The following LHFPL3 variants were observed in gnomAD, a reference collection of about 807,000 sequenced individuals.
LHFPL3 encodes LHFPL tetraspan subfamily member 3 protein.
In LHFPL3, 5 loss-of-function variants were observed where a neutral mutation model predicts 19.3. That is an observed-to-expected ratio of 0.26 (90% confidence interval 0.14 to 0.54). The LOEUF (loss-of-function observed/expected upper bound fraction) is 0.54, where lower values mean the gene tolerates loss of function less well. Among genes scored for constraint, LHFPL3 ranks in the 20% least tolerant of loss-of-function variants. The pLI is 0.94. For synonymous variants in LHFPL3, 133 were observed against 126.2 expected, an observed-to-expected ratio of 1.05 and a Z score of -0.36; for missense variants, 249 against 307.4, an observed-to-expected ratio of 0.81 and a Z score of 1.42.
At chr7:104,522,056 T>C (rs1015638904) in intron 1 of LHFPL3, among the ~76,000 whole-genome samples, 2 of 152,172 alleles carry the variant, frequency 1.3e-5, no homozygotes, top group South Asian at 2.1e-4. Flanking sequence ...CAAAGGACTA[T>C]AAATCATGCT....
In LHFPL3 at chr7:104,514,047, A is replaced by T. The variant is rs139340716; in HGVS notation, c.445+184823A>T. Among the ~76,000 whole-genome samples the T allele has an allele frequency of 5.9e-5, 9 of 152,272 alleles. No homozygotes were observed. In the East Asian group the frequency reaches 1.7e-3, roughly 29 times the overall value. ...GAGGATTTATTAATAAATGAAATTG[A>T]TTAACATTTTTGGTTATTAGCTCTC... On this transcript the variant is annotated intron_variant, in intron 1 of 2. Transcript: ENST00000424859.
intron 2 of LHFPL3, among the ~76,000 whole-genome samples, chr7:104,867,978 C>T (rs1791760864): frequency 6.6e-6 from 1 of 152,118 alleles, no homozygotes; most frequent in Non-Finnish European, 1.5e-5. Flanking sequence ...CGACAAAAAC[C>T]ATATGATTAT....
intron 1 of LHFPL3, among the ~76,000 whole-genome samples, chr7:104,555,579 T>A (rs1794748452): frequency 6.6e-6 from 1 of 152,186 alleles, no homozygotes; most frequent in Non-Finnish European, 1.5e-5. Context: ...TCACCTCTCA[T>A]CGGGTTCCTC....
intron 1 of LHFPL3, among the ~76,000 whole-genome samples, chr7:104,596,099 A>G (rs1237039590): frequency 6.6e-6 from 1 of 152,224 alleles, no homozygotes; most frequent in East Asian, 1.9e-4. Context: ...GAGATGAACC[A>G]GGTACCTCAG....
chr7:104,631,093 A>T (rs1050012054), intron 1 of LHFPL3, among the ~76,000 whole-genome samples: 3 of 152,152 alleles, frequency 2.0e-5, no homozygotes, highest in Non-Finnish European at 4.4e-5. Flanking sequence ...ATCTTCTGCC[A>T]TGTTTCTGCA....
intron 2 of LHFPL3, among the ~76,000 whole-genome samples, chr7:104,886,774 A>C (rs1159726678): frequency 3.3e-5 from 5 of 152,376 alleles, no homozygotes; most frequent in Non-Finnish European, 7.3e-5. Context: ...TTTACTGTAC[A>C]TAAAACACAA....
intron 1 of LHFPL3, among the ~76,000 whole-genome samples, chr7:104,720,302 A>G (rs549689325): frequency 6.6e-6 from 1 of 152,338 alleles, no homozygotes; most frequent in Admixed American, 6.5e-5. Context: ...AGGATTCCCT[A>G]TTTAATAAAT....
chr7:104,810,543 A>C (rs1291169629), intron 2 of LHFPL3, among the ~76,000 whole-genome samples: 1 of 152,106 alleles, frequency 6.6e-6, no homozygotes, highest in African/African-American at 2.4e-5. Context: ...GTAACTGAGA[A>C]AGGGGGCATC....
chr7:104,344,184 G>A (rs969179713), intron 1 of LHFPL3, among the ~76,000 whole-genome samples: 1 of 152,044 alleles, frequency 6.6e-6, no homozygotes, highest in Admixed American at 6.6e-5. Flanking sequence ...TAATGTTGAA[G>A]TAATTGTGCA....
At chr7:104,376,856 A>G (rs1370140265) in intron 1 of LHFPL3, among the ~76,000 whole-genome samples, 1 of 152,218 alleles carries the variant, frequency 6.6e-6, no homozygotes, top group Non-Finnish European at 1.5e-5. Context: ...TTTCTGGAAA[A>G]TAATGTAGCT....
chr7:104,448,486 T>C lies in LHFPL3; in HGVS notation c.445+119262T>C, dbSNP rs78418090. Among the ~76,000 whole-genome samples the C allele has an allele frequency of 7.7e-3, 1,171 of 152,322 alleles. 12 individuals are homozygous for C. Among genetic ancestry groups the C allele is most frequent in the African/African-American group, 0.027 (1,117 of 41,574 alleles). On this transcript the variant is annotated intron_variant, in intron 1 of 2. Transcript: ENST00000424859. Reference sequence around the variant, plus strand: ...AGCCATTACATTGCAGTTCATCAAGTAAATAGTGATTTAGCCATTTTCATG... The same window carrying C: ...AGCCATTACATTGCAGTTCATCAAGCAAATAGTGATTTAGCCATTTTCATG...
chr7:104,419,485 G>A (rs1042351530), intron 1 of LHFPL3, among the ~76,000 whole-genome samples: 2 of 152,168 alleles, frequency 1.3e-5, no homozygotes, highest in East Asian at 3.8e-4. Context: ...GGAATATAGG[G>A]AGAAGGAAAT....
intron 1 of LHFPL3, among the ~76,000 whole-genome samples, chr7:104,530,318 G>T (rs904125446): frequency 5.3e-5 from 8 of 152,192 alleles, no homozygotes; most frequent in African/African-American, 1.9e-4. Flanking sequence ...AAATCACTTT[G>T]TGCTGGAGGC....
At chr7:104,577,540 G>C (rs2116009907) in intron 1 of LHFPL3, among the ~76,000 whole-genome samples, 1 of 152,270 alleles carries the variant, frequency 6.6e-6, no homozygotes, top group South Asian at 2.1e-4. Context: ...GCCTATGTAT[G>C]TATGTGTGTA....
At chr7:104,648,479 A>G (rs1229024542) in intron 1 of LHFPL3, among the ~76,000 whole-genome samples, 1 of 152,250 alleles carries the variant, frequency 6.6e-6, no homozygotes, top group Non-Finnish European at 1.5e-5. Context: ...ACAGAATCAC[A>G]GAATCAAGAA....
At chr7:104,739,643 G>A (rs1323914248) in intron 2 of LHFPL3, among the ~76,000 whole-genome samples, 1 of 151,700 alleles carries the variant, frequency 6.6e-6, no homozygotes, top group African/African-American at 2.4e-5. Context: ...GTTTTTTTCT[G>A]ATAAAACTAC....
intron 1 of LHFPL3, chr7:104,669,217 G>A (rs1444050486): frequency 1.2e-6 from 2 of 1,613,840 alleles, no homozygotes; most frequent in Non-Finnish European, 1.7e-6. Flanking sequence ...TAACCCTCCT[G>A]CTCGATCTCA....
chr7:104,735,220 G>C (rs1178429236), intron 1 of LHFPL3, among the ~76,000 whole-genome samples: 1 of 152,208 alleles, frequency 6.6e-6, no homozygotes, highest in Non-Finnish European at 1.5e-5. Context: ...TCCGTGCTGG[G>C]AGAACCACTA....
chr7:104,689,642 C>A (rs1792872670), intron 1 of LHFPL3, among the ~76,000 whole-genome samples: 1 of 152,164 alleles, frequency 6.6e-6, no homozygotes, highest in Non-Finnish European at 1.5e-5. Context: ...ACAAGACCTC[C>A]AGCCTTTTAG....
Sources: gnomAD v4.1 joint callset for allele counts (sites outside exome capture counted in the v4.1 genomes callset) on GRCh38, gnomAD v4.1.1 for gene constraint, MANE v1.5 for transcripts, NCBI Gene and HGNC (gene_info 2026-07-23, HGNC 2026-07-21) for gene names.